SPTAN1: variants seen among roughly 807,000 people sequenced by gnomAD.
The protein encoded by SPTAN1 is spectrin alpha, non-erythrocytic 1, also known as spectrin alpha chain, non-erythrocytic 1.
A neutral mutation model predicts 331.3 loss-of-function variants in SPTAN1; 61 were observed. The ratio of observed to expected loss-of-function variants is 0.18; its 90% confidence interval spans 0.15 to 0.23. The LOEUF is 0.23. SPTAN1 is among the 10% of genes least tolerant of loss of function. SPTAN1 has a pLI of 1.00. For missense variants in SPTAN1, 2,043 were observed against 3,147.9 expected, an observed-to-expected ratio of 0.65 and a Z score of 8.40; for synonymous variants, 1,153 against 1,173.9, an observed-to-expected ratio of 0.98 and a Z score of 0.36.
At chr9:128,579,139 A>G (rs1259556401) in intron 9 of SPTAN1, among the ~76,000 whole-genome samples, 1 of 152,220 alleles carries the variant, frequency 6.6e-6, no homozygotes, top group African/African-American at 2.4e-5. Context: ...ACCAGGATAT[A>G]TACCGTTAAT....
chr9:128,613,701 T>C (rs1856811401), intron 40 of SPTAN1, among the ~76,000 whole-genome samples: 1 of 152,224 alleles, frequency 6.6e-6, no homozygotes, highest in South Asian at 2.1e-4. Context: ...TCACCATTAT[T>C]AAAAATTACA....
chr9:128,581,460 G>A (rs1234540047), intron 11 of SPTAN1, among the ~76,000 whole-genome samples: 3 of 123,292 alleles, frequency 2.4e-5, no homozygotes, highest in Non-Finnish European at 4.9e-5. Context: ...GCAACAGACC[G>A]AGATCCTGTC....
rs200372004 is a variant in SPTAN1 at position 128,627,863 on chromosome 9, C to T, written c.6690-62C>T. On this transcript the variant is annotated intron_variant, in intron 50 of 56. Transcript: ENST00000372739. The surrounding 1 kb of genome is among the most constrained non-coding windows in gnomAD (Gnocchi z 4.9). ...TTCTTGTGTCTTCTCTCTGTCCCCC[C>T]GATTGCTGCTGTTGTCCGGACACCA... 6.5e-4 allele frequency: 1,044 copies of T among 1,594,808 alleles called. 6 individuals carry two copies. Among genetic ancestry groups the T allele is most frequent in the South Asian group, 6.5e-3 (589 of 90,702 alleles).
intron 1 of SPTAN1, among the ~76,000 whole-genome samples, chr9:128,562,990 G>GTA (rs1379685400): frequency 0.11 from 199 of 1,742 alleles, 2 homozygotes; most frequent in African/African-American, 0.15. Context: ...ATACATGTAT[G>GTA]TGTATATATA....
At chr9:128,571,558 T>C (rs1850733672) in intron 3 of SPTAN1, among the ~76,000 whole-genome samples, 1 of 152,168 alleles carries the variant, frequency 6.6e-6, no homozygotes, top group African/African-American at 2.4e-5. Context: ...GCACTCTGGC[T>C]TGGGCAACAA....
At chr9:128,566,443 T>C (rs961086267) in intron 1 of SPTAN1, among the ~76,000 whole-genome samples, 1 of 152,182 alleles carries the variant, frequency 6.6e-6, no homozygotes, top group Non-Finnish European at 1.5e-5. Context: ...CTTTGTAGAA[T>C]TGACAGTACA....
rs1195637182 is a variant in SPTAN1, at chr9:128,578,384, G to A, written c.1221+139G>A. ...TTTCTCATCATGAGGATTATGGTTG[G>A]TTTTGCCTTTGGAGACCTGGTCTAC... On this transcript the variant is annotated intron_variant, in intron 9 of 56. Coordinates refer to ENST00000372739, the MANE Select transcript of SPTAN1 (RefSeq NM_001130438.3). 2.4e-6 allele frequency: 3 copies of A among 1,252,304 alleles called. No homozygotes were observed. The East Asian group carries it at 7.5e-5, about 31-fold the overall frequency. 77.6% of individuals were successfully genotyped at this position (1,252,304 alleles called of 1,614,324 possible).
chr9:128,630,101 A>G (rs1859455786), intron 51 of SPTAN1: 2 of 725,864 alleles, frequency 2.8e-6, no homozygotes, highest in South Asian at 2.8e-5. Context: ...CCTGGCCCAC[A>G]CCAAGGCAGC....
chr9:128,571,516 C>T (rs972631057), intron 3 of SPTAN1, among the ~76,000 whole-genome samples: 5 of 151,870 alleles, frequency 3.3e-5, no homozygotes, highest in Admixed American at 6.6e-5. Context: ...ACTCAGGAGG[C>T]GGAGGTTGAA....
At chr9:128,617,409 C>A (rs1353793888) in intron 41 of SPTAN1, among the ~76,000 whole-genome samples, 1 of 152,058 alleles carries the variant, frequency 6.6e-6, no homozygotes, top group Non-Finnish European at 1.5e-5. Flanking sequence ...CCAGTGCATC[C>A]CCAACCCTCC....
At chr9:128,618,149 G>A in intron 43 of SPTAN1, 41 bp downstream of exon 43, 1 of 1,611,276 alleles carries the variant, frequency 6.2e-7, no homozygotes. Flanking sequence ...ACAAGTGGAA[G>A]GCCAGCACCC....
chr9:128,579,576 C>A, intron 9 of SPTAN1, 61 bp from the exon 10 acceptor site: 1 of 1,354,708 alleles, frequency 7.4e-7, no homozygotes, highest in Non-Finnish European at 1.1e-6. Context: ...AAATTCAGCA[C>A]CTTGTTTTTA....
At chr9:128,620,880 T>C (rs1208573317) in intron 44 of SPTAN1, among the ~76,000 whole-genome samples, 1 of 152,204 alleles carries the variant, frequency 6.6e-6, no homozygotes, top group Admixed American at 6.5e-5. Context: ...TGTTGATGGA[T>C]GACAAAGGGT....
At chr9:128,624,131 T>C (rs1405142062) in intron 45 of SPTAN1, among the ~76,000 whole-genome samples, 197 bp from the exon 46 acceptor site, 1 of 147,234 alleles carries the variant, frequency 6.8e-6, no homozygotes, top group Non-Finnish European at 1.5e-5. Flanking sequence ...AAAAGTAGAA[T>C]TGTCAGTACG....
chr9:128,624,754 T>C (rs1309591359), intron 46 of SPTAN1: 3 of 566,956 alleles, frequency 5.3e-6, no homozygotes, highest in Admixed American at 6.1e-5. Flanking sequence ...TGTGACGTCA[T>C]GGCATGAACA....
chr9:128,612,394 G>A, intron 39 of SPTAN1, 148 bp downstream of exon 39: 3 of 1,036,110 alleles, frequency 2.9e-6, no homozygotes, highest in Non-Finnish European at 1.5e-6. Context: ...GTTGCATGCT[G>A]TAAGGGATTT....
intron 56 of SPTAN1, 98 bp from the exon 57 acceptor site, chr9:128,633,111 G>A (rs892479764): frequency 1.3e-6 from 2 of 1,596,634 alleles, no homozygotes; most frequent in African/African-American, 1.3e-5. Flanking sequence ...TCTGCTTGTA[G>A]AAGCAGCTCC....
At chr9:128,588,148 C>T (rs1852915382) in intron 20 of SPTAN1, among the ~76,000 whole-genome samples, 1 of 151,774 alleles carries the variant, frequency 6.6e-6, no homozygotes, top group South Asian at 2.1e-4. Context: ...CTGGCGCCCG[C>T]CACCACGCCC....
At chr9:128,567,117 G>T (rs1177473480) in intron 2 of SPTAN1, 140 bp downstream of exon 2, 11 of 1,262,678 alleles carry the variant, frequency 8.7e-6, no homozygotes, top group Non-Finnish European at 1.0e-5. Flanking sequence ...CAAACTCATT[G>T]TTTTCCTGTA....
Sources: gnomAD v4.1 joint callset for allele counts (sites outside exome capture counted in the v4.1 genomes callset) on GRCh38, gnomAD v4.1.1 for gene constraint, Gnocchi (gnomAD v3.1) non-coding constraint, MANE v1.5 for transcripts, NCBI Gene and HGNC (gene_info 2026-07-23, HGNC 2026-07-21) for gene names.